The following TAOK3 variants were observed in gnomAD, a reference collection of about 807,000 sequenced individuals.
TAOK3 encodes TAO kinase 3, also known as serine/threonine-protein kinase TAO3.
A neutral mutation model predicts 120.4 loss-of-function variants in TAOK3; 40 were observed. The ratio of observed to expected loss-of-function variants is 0.33; its 90% CI spans 0.26 to 0.43. TAOK3 has a LOEUF of 0.43. Among genes scored for constraint, TAOK3 ranks in the 20% least tolerant of loss-of-function variants. The pLI is 1.00. For synonymous variants in TAOK3, 355 were observed against 387.5 expected (o/e 0.92, Z 0.99); for missense variants, 821 against 1,112.1 (o/e 0.74, Z 3.72).
intron 1 of TAOK3, among the ~76,000 whole-genome samples, chr12:118,281,513 G>T (rs2042099523): frequency 1.3e-5 from 2 of 152,156 alleles, no homozygotes; most frequent in African/African-American, 4.8e-5. Context: ...GTCCAGGTGT[G>T]GTGGCTCATG....
At chr12:118,212,825 C>A in intron 11 of TAOK3, 89 bp downstream of exon 11, 1 of 904,116 alleles carries the variant, frequency 1.1e-6, no homozygotes. Context: ...ACCACTTTGT[C>A]ATGATGAGCT....
rs532758961 is a variant in TAOK3 at position 118,166,293 on chromosome 12, C to CT, written c.1900-4267dup. 6.0e-3 allele frequency among the ~76,000 whole-genome samples: 911 copies of CT among 152,292 alleles called. 13 individuals carry two copies. Among genetic ancestry groups the CT allele is most frequent in the South Asian group, 9.7e-3 (47 of 4,826 alleles). On this transcript the variant is annotated intron_variant, in intron 17 of 20. Coordinates refer to ENST00000392533, the MANE Select transcript of TAOK3 (RefSeq NM_016281.4). The stretch of plus-strand genomic sequence containing the variant: ...GTGGCTCATGCCTATAATCCCAGCA[C>CT]TTTGGGAGGCTGAGACAGGTGGATC...
At chr12:118,280,566 G>T (rs1448835900) in intron 1 of TAOK3, among the ~76,000 whole-genome samples, 2 of 152,124 alleles carry the variant, frequency 1.3e-5, no homozygotes, top group Non-Finnish European at 2.9e-5. Flanking sequence ...GTCTGTTTTT[G>T]TACCAGTACC....
At chr12:118,315,881 A>G (rs1293657679) in intron 1 of TAOK3, among the ~76,000 whole-genome samples, 1 of 152,212 alleles carries the variant, frequency 6.6e-6, no homozygotes, top group Non-Finnish European at 1.5e-5. Flanking sequence ...TGAAACAGAT[A>G]GTAAATAAAG....
At chr12:118,285,363 A>AT (rs941745206) in intron 1 of TAOK3, among the ~76,000 whole-genome samples, 4 of 150,952 alleles carry the variant, frequency 2.6e-5, no homozygotes, top group Non-Finnish European at 4.4e-5. Context: ...ATTTTATTTT[A>AT]TTTTTTGAGA....
rs988693459 is a variant in TAOK3, at chr12:118,160,432, T to C, written c.2140-74A>G. The C allele has an allele frequency of 2.4e-6, 3 of 1,249,372 alleles. No homozygotes were observed. Among genetic ancestry groups the C allele is most frequent in the Non-Finnish European group, 3.4e-6 (3 of 872,312 alleles). 77.4% of individuals were successfully genotyped at this position (1,249,372 alleles called of 1,614,324 possible). On this transcript the variant is annotated intron_variant, in intron 18 of 20. Transcript: ENST00000392533. The surrounding 1 kb of genome is among the most constrained non-coding windows in gnomAD (Gnocchi z 4.2). The stretch of plus-strand genomic sequence containing the variant: ...CAGAAAGCCTTCTACCATAATGATA[T>C]AATACAAGTGCTGAGAGCGTCTGTT...
chr12:118,293,576 A>G (rs1279873806), intron 1 of TAOK3, among the ~76,000 whole-genome samples: 3 of 152,012 alleles, frequency 2.0e-5, no homozygotes, highest in Admixed American at 2.0e-4. Context: ...CAGGAGGCTG[A>G]GGCAGGAGAA....
intron 2 of TAOK3, 36 bp from the exon 3 acceptor site, chr12:118,255,691 T>A: frequency 9.7e-7 from 1 of 1,027,922 alleles, no homozygotes; most frequent in Non-Finnish European, 1.4e-6. Context: ...AAATTATTTC[T>A]AACACATTTT....
intron 9 of TAOK3, among the ~76,000 whole-genome samples, chr12:118,229,747 C>T (rs917699911): frequency 5.3e-5 from 8 of 151,892 alleles, no homozygotes; most frequent in East Asian, 1.9e-4. Context: ...CTGGCTAACA[C>T]GATGAAACCC....
intron 1 of TAOK3, among the ~76,000 whole-genome samples, chr12:118,284,622 T>C (rs2042202421): frequency 6.6e-6 from 1 of 152,036 alleles, no homozygotes; most frequent in Admixed American, 6.6e-5. Context: ...CAGGTAGAGA[T>C]ATAAAGAAAA....
At chr12:118,175,320 A>G (rs533751551) in intron 16 of TAOK3, among the ~76,000 whole-genome samples, 1 of 152,150 alleles carries the variant, frequency 6.6e-6, no homozygotes, top group Non-Finnish European at 1.5e-5. Context: ...TCTATTGCTA[A>G]CCTACAAATC....
At chr12:118,329,107 A>G (rs2044044825) in intron 1 of TAOK3, among the ~76,000 whole-genome samples, 1 of 152,204 alleles carries the variant, frequency 6.6e-6, no homozygotes, top group East Asian at 1.9e-4. Context: ...GTACTAGAGA[A>G]GCCAAAAGAT....
At chr12:118,240,417 G>T (rs2040199464) in intron 5 of TAOK3, among the ~76,000 whole-genome samples, 2 of 151,790 alleles carry the variant, frequency 1.3e-5, no homozygotes, top group Admixed American at 1.3e-4. Context: ...GACCTCAGGT[G>T]ATCTGCCCGC....
At chr12:118,340,668 A>G (rs1364695837) in intron 1 of TAOK3, among the ~76,000 whole-genome samples, 1 of 152,116 alleles carries the variant, frequency 6.6e-6, no homozygotes, top group African/African-American at 2.4e-5. Context: ...ACAGTTATCA[A>G]TTCATGGCCC....
intron 1 of TAOK3, among the ~76,000 whole-genome samples, chr12:118,304,737 G>A (rs2042989598): frequency 2.0e-5 from 3 of 152,148 alleles, no homozygotes; most frequent in Admixed American, 6.5e-5. Flanking sequence ...TTCAGATAAT[G>A]TTCCTAAATC....
chr12:118,348,564 C>A (rs2044982853), intron 1 of TAOK3, among the ~76,000 whole-genome samples: 1 of 151,696 alleles, frequency 6.6e-6, no homozygotes, highest in Admixed American at 6.6e-5. Context: ...CATTCTCCTG[C>A]CTCAACTACC....
At chr12:118,286,943 T>G (rs116872285) in intron 1 of TAOK3, among the ~76,000 whole-genome samples, 1,660 of 152,338 alleles carry the variant, frequency 0.011, 60 homozygotes, top group East Asian at 0.072. Context: ...TGGAGACTGC[T>G]ATTCTAAGTG....
chr12:118,196,584 C>A (rs562941830), intron 13 of TAOK3, among the ~76,000 whole-genome samples: 1 of 152,006 alleles, frequency 6.6e-6, no homozygotes, highest in Admixed American at 6.6e-5. Context: ...CAAAAGATTC[C>A]TTCTCCCATA....
At position 118,176,182 on chromosome 12, in the gene TAOK3, T is replaced by C. The variant is rs1451761329; in HGVS notation, c.1695+1019A>G. On this transcript the variant is annotated intron_variant, in intron 16 of 20. Coordinates refer to ENST00000392533, the MANE Select transcript of TAOK3 (RefSeq NM_016281.4). ...ATTGCACAAGGAGGAGAAGTAGGAA[T>C]TAACCGAGCAAAATTGTGGTCAGGG... Among the ~76,000 whole-genome samples the C allele has an allele frequency of 2.0e-5, 3 of 152,094 alleles. No individual in the cohort carries two copies. In the East Asian group the frequency reaches 5.8e-4, roughly 29 times the overall value.
Sources: allele counts gnomAD v4.1 joint callset (sites outside exome capture counted in the v4.1 genomes callset), GRCh38; gene constraint gnomAD v4.1.1; non-coding constraint Gnocchi (gnomAD v3.1); transcripts MANE v1.5; gene names NCBI Gene and HGNC (gene_info 2026-07-23, HGNC 2026-07-21).